The following EXD2 variants were observed in gnomAD, a reference collection of about 807,000 sequenced individuals.
EXD2 encodes exonuclease 3'-5' domain containing 2, also known as exonuclease 3'-5' domain-containing protein 2.
In EXD2, 40 loss-of-function variants were observed where a neutral mutation model predicts 62.5. The ratio of observed to expected loss-of-function variants is 0.64; its 90% confidence interval spans 0.50 to 0.83. The LOEUF (loss-of-function observed/expected upper bound fraction) is 0.83, where lower values mean the gene tolerates loss of function less well. EXD2 is among the 40% of genes least tolerant of loss of function. The pLI is 0.00. For missense variants in EXD2, 671 were observed against 761.8 expected, an observed-to-expected ratio of 0.88 and a Z score of 1.40; for synonymous variants, 239 against 291.9, an observed-to-expected ratio of 0.82 and a Z score of 1.85.
chr14:69,207,905 T>C (rs1341824218), intron 2 of EXD2, among the ~76,000 whole-genome samples: 1 of 151,830 alleles, frequency 6.6e-6, no homozygotes, highest in African/African-American at 2.4e-5. Flanking sequence ...TTTTTTTTTT[T>C]TTTCTTTTTT....
At chr14:69,237,959 A>C in intron 9 of EXD2, 28 bp downstream of exon 9, 4 of 1,511,308 alleles carry the variant, frequency 2.6e-6, no homozygotes, top group Non-Finnish European at 3.6e-6. Context: ...TGTGGAATGT[A>C]CCAGGGACAT....
intron 3 of EXD2, among the ~76,000 whole-genome samples, chr14:69,223,672 G>T (rs769398009): frequency 2.2e-4 from 34 of 152,108 alleles, no homozygotes; most frequent in Non-Finnish European, 4.7e-4. Flanking sequence ...TTCTCCTGAG[G>T]CAGGTGGAGA....
At chr14:69,238,654 A>C (rs1443573086) in intron 9 of EXD2, among the ~76,000 whole-genome samples, 17 of 135,116 alleles carry the variant, frequency 1.3e-4, no homozygotes, top group African/African-American at 4.8e-4. Flanking sequence ...TGTTTTTTTG[A>C]GATAGTATAT....
intron 3 of EXD2, among the ~76,000 whole-genome samples, chr14:69,213,348 T>A (rs2042879917): frequency 6.8e-6 from 1 of 147,748 alleles, no homozygotes; most frequent in Non-Finnish European, 1.5e-5. Context: ...GGGTTACAGG[T>A]GTGTGTGAGC....
At chr14:69,239,385 A>G (rs1317096782) in intron 9 of EXD2, among the ~76,000 whole-genome samples, 2 of 152,176 alleles carry the variant, frequency 1.3e-5, no homozygotes, top group Non-Finnish European at 2.9e-5. Flanking sequence ...TGTTAACTGA[A>G]AAATAAAAAA....
chr14:69,195,947 G>A (rs1000130300), intron 1 of EXD2: 2 of 152,194 alleles, frequency 1.3e-5, no homozygotes, highest in African/African-American at 4.8e-5. Flanking sequence ...AACAACAGAG[G>A]TTTATTCTCT....
At chr14:69,201,802 C>G (rs1001751009) in intron 1 of EXD2, among the ~76,000 whole-genome samples, 5 of 151,470 alleles carry the variant, frequency 3.3e-5, no homozygotes, top group African/African-American at 1.2e-4. Context: ...TCTGCCTCAG[C>G]CTCCTGAGTA....
chr14:69,227,089 CAG>C (rs2043389981), intron 3 of EXD2, among the ~76,000 whole-genome samples: 1 of 152,280 alleles, frequency 6.6e-6, no homozygotes. Context: ...TGCCCTAGAG[CAG>C]AGTTTCTCAG....
At chr14:69,202,519 A>C (rs1248409604) in intron 1 of EXD2, among the ~76,000 whole-genome samples, 1 of 152,168 alleles carries the variant, frequency 6.6e-6, no homozygotes, top group Non-Finnish European at 1.5e-5. Context: ...TGGCTAAATC[A>C]TGAATTTTTC....
intron 1 of EXD2, among the ~76,000 whole-genome samples, chr14:69,203,502 C>G (rs1305477236): frequency 6.6e-6 from 1 of 152,190 alleles, no homozygotes; most frequent in African/African-American, 2.4e-5. Context: ...AGGGGAGTCT[C>G]AGAGCTCTCT....
chr14:69,230,229 C>T (rs1425489843), intron 4 of EXD2, among the ~76,000 whole-genome samples: 2 of 152,166 alleles, frequency 1.3e-5, no homozygotes, highest in Non-Finnish European at 2.9e-5. Context: ...TCAGTTTCCT[C>T]ATCTGTAAAG....
At chr14:69,201,065 A>C (rs2042381088) in intron 1 of EXD2, among the ~76,000 whole-genome samples, 1 of 151,150 alleles carries the variant, frequency 6.6e-6, no homozygotes, top group African/African-American at 2.4e-5. Flanking sequence ...CAAGAGCAAA[A>C]CTCCATCTCA....
rs574994711 is a variant in EXD2, at chr14:69,241,261, A to G, written c.*161A>G. 4.5e-5 allele frequency: 28 copies of G among 629,054 alleles called. No individual in the cohort carries two copies. In the South Asian group the frequency reaches 4.5e-4, roughly 10 times the overall value. 39.0% of individuals were successfully genotyped at this position (629,054 alleles called of 1,614,324 possible). On this transcript the variant is annotated 3_prime_UTR_variant, in exon 10 of 10. Coordinates refer to ENST00000685843, the MANE Select transcript of EXD2 (RefSeq NM_001193360.2). ...AGGATGCTTCTGCTGGAGCAAAGAT[A>G]TTGTTTGAAGGAGAGTTTATGGTTT...
At chr14:69,233,549 C>T (rs751834136) in intron 5 of EXD2, among the ~76,000 whole-genome samples, 1 of 151,608 alleles carries the variant, frequency 6.6e-6, no homozygotes, top group South Asian at 2.1e-4. Flanking sequence ...AAGCGATTCT[C>T]CTGCCTCAGC....
chr14:69,216,749 T>G (rs1284337453), intron 3 of EXD2, among the ~76,000 whole-genome samples: 1 of 152,232 alleles, frequency 6.6e-6, no homozygotes, highest in African/African-American at 2.4e-5. Flanking sequence ...ATATATATTA[T>G]GTATAATGTT....
chr14:69,241,777 C>T lies in EXD2; in HGVS notation c.*677C>T, dbSNP rs1052562287. The T allele has an allele frequency of 2.5e-6, 1 of 398,426 alleles. No individual in the cohort carries two copies. Among genetic ancestry groups the T allele is most frequent in the Non-Finnish European group, 4.4e-6 (1 of 225,998 alleles). 24.7% of individuals were successfully genotyped at this position (398,426 alleles called of 1,614,324 possible). A position where few individuals can be genotyped will look rare whatever the true frequency, so the allele number is the denominator to read the frequency against. The stretch of plus-strand genomic sequence containing the variant: ...GGAGAAATCCTTTTCTGGACATGAG[C>T]CTTTGACCTGGGTGGGGCAGAAAGA... On this transcript the variant is annotated 3_prime_UTR_variant, in exon 10 of 10. Coordinates refer to ENST00000685843, the MANE Select transcript of EXD2 (RefSeq NM_001193360.2).
intron 1 of EXD2, among the ~76,000 whole-genome samples, chr14:69,197,718 G>A (rs1233549137): frequency 2.6e-5 from 4 of 152,100 alleles, no homozygotes; most frequent in Admixed American, 1.3e-4. Flanking sequence ...CACTCAGGTC[G>A]TGGCCTCCAG....
intron 3 of EXD2, among the ~76,000 whole-genome samples, chr14:69,227,571 G>A (rs532697023): frequency 2.6e-4 from 39 of 152,290 alleles, no homozygotes; most frequent in African/African-American, 9.1e-4. Flanking sequence ...ACCTCAGCCA[G>A]GCGCAGTGGC....
At chr14:69,193,348 C>A (rs2042098028) in intron 1 of EXD2, among the ~76,000 whole-genome samples, 1 of 152,172 alleles carries the variant, frequency 6.6e-6, no homozygotes, top group African/African-American at 2.4e-5. Context: ...CGTGAGCCAC[C>A]GTGTCTGGCC....
Sources: allele counts gnomAD v4.1 joint callset (sites outside exome capture counted in the v4.1 genomes callset), GRCh38; gene constraint gnomAD v4.1.1; transcripts MANE v1.5; gene names NCBI Gene and HGNC (gene_info 2026-07-23, HGNC 2026-07-21).